Variants in BRWD1 observed in about 807,000 individuals in gnomAD.
BRWD1 encodes bromodomain and WD repeat-containing protein 1.
In BRWD1, 82 loss-of-function variants were observed where a neutral mutation model predicts 251.2. The ratio of observed to expected loss-of-function variants is 0.33; its 90% CI spans 0.27 to 0.39. The LOEUF is 0.39. BRWD1 is among the 10% of genes least tolerant of loss of function. The pLI, the probability that BRWD1 is intolerant of heterozygous loss-of-function variation, is 1.00. For missense variants in BRWD1, 2,233 were observed against 2,711.6 expected (o/e 0.82, Z 3.92); for synonymous variants, 918 against 902.8 (o/e 1.02, Z -0.30).
chr21:39,308,289 C>T (rs2036354165), intron 4 of BRWD1, among the ~76,000 whole-genome samples: 1 of 151,840 alleles, frequency 6.6e-6, no homozygotes, highest in African/African-American at 2.4e-5. Context: ...CGAGACTAGC[C>T]GGGCCAACAT....
intron 8 of BRWD1, among the ~76,000 whole-genome samples, chr21:39,282,535 TTTC>T (rs1465858899): frequency 1.3e-5 from 2 of 152,206 alleles, no homozygotes; most frequent in Non-Finnish European, 2.9e-5. Context: ...ATTCCTTTGC[TTTC>T]TTAATAAACT....
chr21:39,188,838 G>C lies in BRWD1; in HGVS notation c.*7421C>G. The C allele has an allele frequency of 1.0e-6, 1 of 985,416 alleles. No homozygotes were observed. Among genetic ancestry groups the C allele is most frequent in the Non-Finnish European group, 1.2e-6 (1 of 829,916 alleles). 61.0% of individuals were successfully genotyped at this position (985,416 alleles called of 1,614,324 possible). A position where few individuals can be genotyped will look rare whatever the true frequency, so the allele number is the denominator to read the frequency against. On this transcript the variant is annotated 3_prime_UTR_variant, in exon 41 of 41. Coordinates refer to ENST00000342449, the MANE Select transcript of BRWD1 (RefSeq NM_033656.4). ...CTTATGTGATTCACATGTTTTTCCAGTGAAATTCTAAGGGCACTATGTTTT... is the reference window on the plus strand; with the variant it reads ...CTTATGTGATTCACATGTTTTTCCACTGAAATTCTAAGGGCACTATGTTTT...
chr21:39,269,933 G>T lies in BRWD1; in HGVS notation c.1496C>A (p.Thr499Lys). Reference protein sequence around the residue: ...HDGSIFIWDITKGTKMKHYFN... With the variant: ...HDGSIFIWDIKKGTKMKHYFN... ...ATAATGTTTCATCTTGGTACCTTTT[G>T]TAATATCCCATATAAATATGCTGCC... Residue 499 changes from threonine to lysine, a missense_variant, in exon 15 of 41, where the codon ACA (threonine) becomes AAA (lysine). This residue lies in a region of BRWD1 where 315 missense variants were observed against 421.8 expected (regional missense o/e 0.75). Transcript: ENST00000342449. 1.9e-6 allele frequency: 3 copies of T among 1,564,932 alleles called. No homozygotes were observed. Among genetic ancestry groups the T allele is most frequent in the Non-Finnish European group, 2.6e-6 (3 of 1,154,406 alleles).
At position 39,235,569 on chromosome 21, in the gene BRWD1, G is replaced by C. The variant is rs1442669482; in HGVS notation, c.2766+1026C>G. ...ATGGTCCAGTGTTTGGAGAAGATCT[G>C]TGAATGTTTCTTCTAAATATATGAT... On this transcript the variant is annotated intron_variant, in intron 23 of 40. Transcript: ENST00000342449. 3.3e-5 allele frequency: 7 copies of C among 211,634 alleles called. No homozygotes were observed. The South Asian group carries it at 6.6e-4, about 20-fold the overall frequency. 13.1% of individuals were successfully genotyped at this position (211,634 alleles called of 1,614,324 possible).
At chr21:39,254,262 C>CA (rs2034491987) in intron 19 of BRWD1, among the ~76,000 whole-genome samples, 1 of 151,940 alleles carries the variant, frequency 6.6e-6, no homozygotes, top group Admixed American at 6.6e-5. Flanking sequence ...AACTCTGTCT[C>CA]AAAAAAATAA....
chr21:39,233,155 G>A (rs1262378995), intron 23 of BRWD1, among the ~76,000 whole-genome samples: 1 of 152,064 alleles, frequency 6.6e-6, no homozygotes, highest in African/African-American at 2.4e-5. Flanking sequence ...GCTAAGGAGA[G>A]ACCTGTGTGG....
At chr21:39,274,090 A>G (rs2035202810) in intron 13 of BRWD1, among the ~76,000 whole-genome samples, 1 of 152,206 alleles carries the variant, frequency 6.6e-6, no homozygotes, top group African/African-American at 2.4e-5. Context: ...TACTTGTAGA[A>G]GCTTTTAAAT....
rs775695053 is a variant in BRWD1 at position 39,195,018 on chromosome 21, C to T, written c.*1241G>A. On this transcript the variant is annotated 3_prime_UTR_variant, in exon 41 of 41. Coordinates refer to ENST00000342449, the MANE Select transcript of BRWD1 (RefSeq NM_033656.4). ...GGCCATCTACACTGGAGTAGCATAA[C>T]CTATCAAGTATTTGGTTAGAAAATA... 7.7e-5 allele frequency: 106 copies of T among 1,379,114 alleles called. No homozygotes were observed. Among genetic ancestry groups the T allele is most frequent in the Admixed American group, 1.3e-4 (4 of 31,008 alleles). The allele number at this position is 1,379,114 out of a possible 1,614,324, so 85.4% of individuals were successfully genotyped here. A position where few individuals can be genotyped will look rare whatever the true frequency, so the allele number is the denominator to read the frequency against.
chr21:39,295,667 A>T (rs2035943374), intron 7 of BRWD1, 76 bp downstream of exon 7: 1 of 1,205,756 alleles, frequency 8.3e-7, no homozygotes, highest in Admixed American at 2.7e-5. Context: ...AACAGAAACT[A>T]AGATTTCCTA....
intron 25 of BRWD1, among the ~76,000 whole-genome samples, chr21:39,231,919 T>C (rs79120813): frequency 0.015 from 2,318 of 152,268 alleles, 58 homozygotes; most frequent in African/African-American, 0.053. Flanking sequence ...TGATAATATA[T>C]ATATTGCCAA....
chr21:39,268,103 G>A (rs1180431602), intron 15 of BRWD1, among the ~76,000 whole-genome samples: 1 of 152,044 alleles, frequency 6.6e-6, no homozygotes, highest in East Asian at 1.9e-4. Context: ...AATCTTCAAT[G>A]GATCCAATAC....
chr21:39,306,551 G>A (rs2036295016), intron 4 of BRWD1, among the ~76,000 whole-genome samples: 2 of 152,126 alleles, frequency 1.3e-5, no homozygotes, highest in African/African-American at 2.4e-5. Context: ...GAGATTAAGA[G>A]ACTTAATAAT....
intron 23 of BRWD1, among the ~76,000 whole-genome samples, chr21:39,232,760 T>C (rs569620521): frequency 6.6e-6 from 1 of 152,304 alleles, no homozygotes; most frequent in South Asian, 2.1e-4. Flanking sequence ...TTACATCCCA[T>C]TTTAGGGGGC....
In BRWD1 at chr21:39,197,433, G is replaced by C. The variant is rs1289965607; in HGVS notation, c.5654-18C>G. The stretch of plus-strand genomic sequence containing the variant: ...TGCAGAATCTAAAAGTTAAAGAGCA[G>C]ATTTCTATTAATCTTTTGTAAGTCT... On this transcript the variant is annotated intron_variant, in intron 40 of 40. Coordinates refer to ENST00000342449, the MANE Select transcript of BRWD1 (RefSeq NM_033656.4). 5 of 1,514,860 alleles carry C rather than the reference G, an allele frequency of 3.3e-6. No homozygotes were observed. Among genetic ancestry groups the C allele is most frequent in the Non-Finnish European group, 4.4e-6 (5 of 1,125,254 alleles). 93.8% of individuals were successfully genotyped at this position (1,514,860 alleles called of 1,614,324 possible).
intron 18 of BRWD1, 118 bp from the exon 19 acceptor site, chr21:39,255,946 T>C (rs878944324): frequency 1.6e-5 from 14 of 885,088 alleles, no homozygotes; most frequent in South Asian, 9.5e-5. Context: ...TAAGAGAAGA[T>C]AGTATCTACT....
intron 40 of BRWD1, 77 bp from the exon 41 acceptor site, chr21:39,197,492 T>C: frequency 8.3e-7 from 1 of 1,209,596 alleles, no homozygotes; most frequent in Non-Finnish European, 1.2e-6. Context: ...AAAAACAAGT[T>C]CAGAATTCGT....
chr21:39,254,802 C>T (rs1400449928), intron 19 of BRWD1, among the ~76,000 whole-genome samples: 2 of 152,258 alleles, frequency 1.3e-5, no homozygotes, highest in Middle Eastern at 6.8e-3. Flanking sequence ...CTGCTAACAT[C>T]ACAAAAACCG....
chr21:39,276,231 A>G lies in BRWD1; in HGVS notation c.1105-18T>C. ...ACTTTATCCTAAAGGGGGGAAAAGG[A>G]CAAATACAAAAATGATCATCTACAT... is the stretch of plus-strand genomic sequence containing the variant. On this transcript the variant is annotated intron_variant, in intron 11 of 40. Transcript: ENST00000342449. The G allele has an allele frequency of 1.3e-6, 2 of 1,582,982 alleles. No individual in the cohort carries two copies. The highest frequency in any genetic ancestry group is 1.7e-6 in the Non-Finnish European group (2 of 1,158,366).
At chr21:39,296,413 G>A in intron 5 of BRWD1, 50 bp from the exon 6 acceptor site, 2 of 1,494,264 alleles carry the variant, frequency 1.3e-6, no homozygotes, top group East Asian at 2.4e-5. Flanking sequence ...TTAACCCCAA[G>A]AAAGATTTTA....
Sources: gnomAD v4.1 joint callset for allele counts (sites outside exome capture counted in the v4.1 genomes callset) on GRCh38, gnomAD v4.1.1 for gene constraint, gnomAD v4.1.1 regional missense constraint, MANE v1.5 for transcripts, NCBI Gene and HGNC (gene_info 2026-07-23, HGNC 2026-07-21) for gene names.